C1QTNF1: variants seen among roughly 807,000 people sequenced by gnomAD.
The protein encoded by C1QTNF1 is C1q and TNF related 1.
A neutral mutation model predicts 27.8 loss-of-function variants in C1QTNF1; 22 were observed. The observed-to-expected ratio is 0.79, with a 90% CI of 0.56 to 1.13. The LOEUF (loss-of-function observed/expected upper bound fraction) is 1.13. C1QTNF1 is among the 50% of genes most tolerant of loss of function. The pLI is 0.00. For synonymous variants in C1QTNF1, 166 were observed against 154.3 expected (o/e 1.08, Z -0.56); for missense variants, 373 against 380.2 (o/e 0.98, Z 0.16).
At chr17:79,037,733 A>T (rs1270963550) in intron 1 of C1QTNF1, among the ~76,000 whole-genome samples, 1 of 152,124 alleles carries the variant, frequency 6.6e-6, no homozygotes, top group Non-Finnish European at 1.5e-5. Context: ...CAGTGGTGCG[A>T]TCATGGCTTA....
At chr17:79,043,267 A>C (rs1300735944) in intron 1 of C1QTNF1, 1 of 445,112 alleles carries the variant, frequency 2.2e-6, no homozygotes, top group African/African-American at 2.3e-5. Context: ...ATGTGTGTGC[A>C]TGTGTGTTGA....
At chr17:79,038,742 T>C (rs7226159) in intron 1 of C1QTNF1, among the ~76,000 whole-genome samples, 29,197 of 152,104 alleles carry the variant, frequency 0.19, 3,949 homozygotes, top group African/African-American at 0.39. Flanking sequence ...ACAGCCTCCC[T>C]ACTGTAGGGG....
intron 1 of C1QTNF1, among the ~76,000 whole-genome samples, chr17:79,035,759 T>A (rs71385995): frequency 0.045 from 6,884 of 152,224 alleles, 232 homozygotes; most frequent in Middle Eastern, 0.082. Context: ...TGGACACCAC[T>A]AGATGTGGGA....
chr17:79,028,614 G>A (rs1284015303), intron 1 of C1QTNF1, among the ~76,000 whole-genome samples: 2 of 152,236 alleles, frequency 1.3e-5, no homozygotes, highest in African/African-American at 2.4e-5. Context: ...TCCATGAAAG[G>A]ATATCAATGA....
At chr17:79,039,391 C>T (rs904838087) in intron 1 of C1QTNF1, among the ~76,000 whole-genome samples, 4 of 150,974 alleles carry the variant, frequency 2.6e-5, no homozygotes, top group Non-Finnish European at 4.4e-5. Context: ...GGCAAACGCC[C>T]GTAATCCCAG....
chr17:79,030,003 A>G (rs1568060610), intron 1 of C1QTNF1, among the ~76,000 whole-genome samples: 1 of 152,122 alleles, frequency 6.6e-6, no homozygotes, highest in Non-Finnish European at 1.5e-5. Context: ...CACTAGGTCA[A>G]CTTGTATTCC....
intron 1 of C1QTNF1, among the ~76,000 whole-genome samples, chr17:79,031,633 A>G (rs966812015): frequency 2.0e-5 from 3 of 151,748 alleles, no homozygotes; most frequent in Admixed American, 6.6e-5. Context: ...TAGTAGAGAC[A>G]AAGTTTCACC....
rs148895244 is a variant in C1QTNF1 at position 79,046,622 on chromosome 17, C to A, written c.223C>A (p.Arg75Ser). 7.4e-6 allele frequency: 12 copies of A among 1,614,110 alleles called. No homozygotes were observed. Among genetic ancestry groups the A allele is most frequent in the African/African-American group, 1.3e-5 (1 of 74,940 alleles). The change falls in exon 3 of 4, where the codon CGC (arginine) becomes AGC (serine). Residue 75 changes from arginine to serine, a missense_variant. Arg to Ser is a moderately radical substitution (Grantham distance 110). Transcript: ENST00000579760. This position sits in a 1 kb window ranked among gnomAD's most constrained non-coding sequence, Gnocchi z 4.8. ...DQGLPASRCLRCCDPGTSMYP... is the reference protein window; with the variant it reads ...DQGLPASRCLSCCDPGTSMYP... ...GGGGCTCCCTGCTTCCCGGTGCTTG[C>A]GCTGCTGTGACCCCGGTACCTCCAT...
At chr17:79,030,787 G>C (rs961087004) in intron 1 of C1QTNF1, among the ~76,000 whole-genome samples, 1 of 151,888 alleles carries the variant, frequency 6.6e-6, no homozygotes, top group Non-Finnish European at 1.5e-5. Flanking sequence ...TTTTAGTAGA[G>C]ACGGGGTTTT....
At position 79,046,917 on chromosome 17, in the gene C1QTNF1, G is replaced by A; in HGVS notation, c.295+223G>A. 1.7e-6 allele frequency: 1 copy of A among 599,208 alleles called. No homozygotes were observed. Among genetic ancestry groups the A allele is most frequent in the Non-Finnish European group, 2.9e-6 (1 of 350,386 alleles). The allele number at this position is 599,208 out of a possible 1,614,324, so 37.1% of individuals were successfully genotyped here. A position where few individuals can be genotyped will look rare whatever the true frequency, so the allele number is the denominator to read the frequency against. On this transcript the variant is annotated intron_variant, in intron 3 of 3. Coordinates refer to ENST00000579760, the MANE Select transcript of C1QTNF1 (RefSeq NM_030968.5). This position sits in a 1 kb window ranked among gnomAD's most constrained non-coding sequence, Gnocchi z 4.8. ...GGAGGGGTTGGAAAGGGGCCCACAG[G>A]ACCAAGAGCAGGAGAGGGAGCCCAG...
At chr17:79,047,224 C>A in intron 3 of C1QTNF1, 1 of 330,136 alleles carries the variant, frequency 3.0e-6, no homozygotes, top group Non-Finnish European at 5.4e-6. Flanking sequence ...GTTCCATTTT[C>A]TTTTTTTTCT....
intron 1 of C1QTNF1, among the ~76,000 whole-genome samples, chr17:79,038,623 G>C (rs1226399130): frequency 1.3e-5 from 2 of 152,174 alleles, no homozygotes; most frequent in Non-Finnish European, 2.9e-5. Context: ...CCTGGAGACT[G>C]GGCCACGTGG....
At chr17:79,023,531 T>C (rs534063042), upstream of C1QTNF1, among the ~76,000 whole-genome samples, 1 of 152,344 alleles carries the variant, frequency 6.6e-6, no homozygotes, top group South Asian at 2.1e-4. Flanking sequence ...AGAGGCCTGA[T>C]AGAGACTGAG....
intron 1 of C1QTNF1, among the ~76,000 whole-genome samples, chr17:79,040,000 T>C (rs2072361508): frequency 6.6e-6 from 1 of 151,776 alleles, no homozygotes; most frequent in Non-Finnish European, 1.5e-5. Flanking sequence ...AATACAGAAA[T>C]GGAGAAATAA....
At chr17:79,042,340 G>A (rs1359637374) in intron 1 of C1QTNF1, among the ~76,000 whole-genome samples, 2 of 152,210 alleles carry the variant, frequency 1.3e-5, no homozygotes, top group African/African-American at 2.4e-5. Context: ...CGCCCCTCGC[G>A]GGCTCCCTGG....
chr17:79,045,470 G>C (rs1228628698), intron 2 of C1QTNF1, among the ~76,000 whole-genome samples: 2 of 152,186 alleles, frequency 1.3e-5, no homozygotes, highest in Admixed American at 6.5e-5. Context: ...GAGCTGGTGC[G>C]GGGAGGGGCA....
intron 1 of C1QTNF1, among the ~76,000 whole-genome samples, chr17:79,036,361 G>A (rs2072264503): frequency 1.3e-5 from 2 of 152,088 alleles, no homozygotes; most frequent in South Asian, 4.1e-4. Context: ...TTTTTGTAGA[G>A]ATGGGGTCTC....
Position 79,046,818 on chromosome 17 carries a change from G to A in C1QTNF1, c.295+124G>A, listed in dbSNP as rs1189404282. Reference sequence around the variant, plus strand: ...AATGGCTCCCTCGGGACAGGGAGCAGAGGCAGGCAGGCTGTCATCTAGAGG... The same window carrying A: ...AATGGCTCCCTCGGGACAGGGAGCAAAGGCAGGCAGGCTGTCATCTAGAGG... On this transcript the variant is annotated intron_variant, in intron 3 of 3. Coordinates refer to ENST00000579760, the MANE Select transcript of C1QTNF1 (RefSeq NM_030968.5). This position sits in a 1 kb window ranked among gnomAD's most constrained non-coding sequence, Gnocchi z 4.8. 7.8e-7 allele frequency: 1 copy of A among 1,278,086 alleles called. No individual in the cohort carries two copies. Among genetic ancestry groups the A allele is most frequent in the Non-Finnish European group, 1.1e-6 (1 of 927,690 alleles). 79.2% of individuals were successfully genotyped at this position (1,278,086 alleles called of 1,614,324 possible).
intron 1 of C1QTNF1, among the ~76,000 whole-genome samples, chr17:79,028,635 C>T (rs1396702140): frequency 1.3e-5 from 2 of 152,228 alleles, no homozygotes; most frequent in Non-Finnish European, 2.9e-5. Context: ...GGGCAAGGCC[C>T]ATGGTCCTGA....
Sources: gnomAD v4.1 joint callset for allele counts (sites outside exome capture counted in the v4.1 genomes callset) on GRCh38, gnomAD v4.1.1 for gene constraint, Gnocchi (gnomAD v3.1) non-coding constraint, MANE v1.5 for transcripts, NCBI Gene and HGNC (gene_info 2026-07-23, HGNC 2026-07-21) for gene names.